Variants in ARFGEF1 observed in about 807,000 individuals in gnomAD.
ARFGEF1 encodes brefeldin A-inhibited guanine nucleotide-exchange protein 1.
ARFGEF1 carries 42 observed loss-of-function variants against 231.0 expected under a neutral mutation model. The observed-to-expected ratio is 0.18, with a 90% confidence interval of 0.14 to 0.24. ARFGEF1 has a LOEUF of 0.24. Among genes scored for constraint, ARFGEF1 ranks in the 10% least tolerant of loss-of-function variants. ARFGEF1 has a pLI of 1.00. For synonymous variants in ARFGEF1, 710 were observed against 732.3 expected (o/e 0.97, Z 0.49); for missense variants, 1,345 against 2,192.0 (o/e 0.61, Z 7.72).
intron 34 of ARFGEF1, among the ~76,000 whole-genome samples, chr8:67,210,479 C>A (rs988100372): frequency 1.3e-5 from 2 of 151,682 alleles, no homozygotes; most frequent in African/African-American, 2.4e-5. Context: ...TCAAAAAAAA[C>A]CAAAACCAAA....
intron 22 of ARFGEF1, among the ~76,000 whole-genome samples, chr8:67,237,663 A>G (rs978027155): frequency 1.3e-5 from 2 of 152,192 alleles, no homozygotes; most frequent in African/African-American, 4.8e-5. Flanking sequence ...AATCCTAACA[A>G]TCCTATGATT....
intron 29 of ARFGEF1, among the ~76,000 whole-genome samples, chr8:67,222,184 T>TATATATATATATATATATACACAC (rs1554636799): frequency 1.5e-5 from 1 of 65,682 alleles, no homozygotes; most frequent in Non-Finnish European, 3.4e-5. Context: ...TATATACACA[T>TATATATATATATATATATACACAC]ATATATATAT....
chr8:67,343,523 C>T lies in ARFGEF1; in HGVS notation c.-236G>A, dbSNP rs1808761020. 8.4e-7 allele frequency: 1 copy of T among 1,184,376 alleles called. No homozygotes were observed. The highest frequency in any genetic ancestry group is 4.3e-5 in the Admixed American group (1 of 23,026). 73.4% of individuals were successfully genotyped at this position (1,184,376 alleles called of 1,614,324 possible). A position where few individuals can be genotyped will look rare whatever the true frequency, so the allele number is the denominator to read the frequency against. On this transcript the variant is annotated 5_prime_UTR_variant, in exon 1 of 39. Coordinates refer to ENST00000262215, the MANE Select transcript of ARFGEF1 (RefSeq NM_006421.5). ...AAGAAGCCGTACCTCGAGGGCCGCGCCCGTCGGGCCTCCGCTTCTCCCGGC... is the reference window on the plus strand; with the variant it reads ...AAGAAGCCGTACCTCGAGGGCCGCGTCCGTCGGGCCTCCGCTTCTCCCGGC...
chr8:67,325,099 T>C (rs910077683), intron 1 of ARFGEF1, among the ~76,000 whole-genome samples: 2 of 152,000 alleles, frequency 1.3e-5, no homozygotes, highest in Admixed American at 6.6e-5. Flanking sequence ...TTTTAGTAGA[T>C]ACGGGGTTTC....
At chr8:67,231,433 A>G (rs556838042) in intron 23 of ARFGEF1, among the ~76,000 whole-genome samples, 87 of 152,254 alleles carry the variant, frequency 5.7e-4, no homozygotes, top group African/African-American at 1.9e-3. Context: ...GAAATAGCAT[A>G]AATTCTTAAA....
Position 67,218,135 on chromosome 8 carries a change from C to G in ARFGEF1, c.4342G>C (p.Ala1448Pro). Residue 1448 changes from alanine to proline, a missense_variant, in exon 31 of 39, where the codon GCT becomes CCT. By Grantham distance (27) the Ala-to-Pro change is conservative. Around this residue, in one of 14 missense-constraint regions of ARFGEF1, gnomAD observed 18 missense variants for 63.5 expected, o/e 0.28. Coordinates refer to ENST00000262215, the MANE Select transcript of ARFGEF1 (RefSeq NM_006421.5). ...TTGCAAGTTGTTGTCATCCATTCAG[C>G]TTTCTGGGGAAAAAAGTCATTAATG... Reference protein sequence around the residue: ...MKLPEQQTEKAEWMTTTCNHA... With the variant: ...MKLPEQQTEKPEWMTTTCNHA... 1 of 1,433,708 alleles carries G rather than the reference C, an allele frequency of 7.0e-7. No homozygotes were observed. The highest frequency in any genetic ancestry group is 9.2e-7 in the Non-Finnish European group (1 of 1,087,352). 88.8% of individuals were successfully genotyped at this position (1,433,708 alleles called of 1,614,324 possible).
chr8:67,226,007 C>T lies in ARFGEF1; in HGVS notation c.4077+16G>A, dbSNP rs370921224. 2.6e-6 allele frequency: 4 copies of T among 1,562,284 alleles called. No individual in the cohort carries two copies. The highest frequency in any genetic ancestry group is 3.5e-6 in the Non-Finnish European group (4 of 1,154,832). ...AGAATACTCTGCAAAATTTTGTTTACTAAATGACGCTATACCTGAGGTCTA... is the reference window on the plus strand; with the variant it reads ...AGAATACTCTGCAAAATTTTGTTTATTAAATGACGCTATACCTGAGGTCTA... On this transcript the variant is annotated intron_variant, in intron 28 of 38. Coordinates refer to ENST00000262215, the MANE Select transcript of ARFGEF1 (RefSeq NM_006421.5).
At chr8:67,205,962 T>G (rs1282177055) in intron 34 of ARFGEF1, among the ~76,000 whole-genome samples, 2 of 152,074 alleles carry the variant, frequency 1.3e-5, no homozygotes, top group Non-Finnish European at 2.9e-5. Context: ...CAGATCCATG[T>G]GAGACAGGAA....
downstream of ARFGEF1, among the ~76,000 whole-genome samples, chr8:67,193,827 A>C (rs527876715): frequency 1.2e-4 from 18 of 152,362 alleles, no homozygotes; most frequent in Admixed American, 5.2e-4. Context: ...GTGGAGTCTA[A>C]ACAGGTAAAA....
intron 5 of ARFGEF1, among the ~76,000 whole-genome samples, chr8:67,295,257 G>C (rs1248810629): frequency 9.2e-5 from 14 of 152,088 alleles, no homozygotes; most frequent in Non-Finnish European, 1.8e-4. Flanking sequence ...AGTGAGGGGA[G>C]GATCTGAAGA....
At chr8:67,184,744 T>TA (rs1554621539) in intron 5 of ARFGEF1, among the ~76,000 whole-genome samples, 32 of 142,498 alleles carry the variant, frequency 2.2e-4, no homozygotes, top group South Asian at 4.4e-4. Context: ...AATAAAAAAA[T>TA]ATAATAATAA....
At chr8:67,252,413 A>G (rs1030857978) in intron 18 of ARFGEF1, among the ~76,000 whole-genome samples, 2 of 151,844 alleles carry the variant, frequency 1.3e-5, no homozygotes, top group Non-Finnish European at 1.5e-5. Flanking sequence ...CGTTTTCGGC[A>G]CACCACCATC....
At chr8:67,248,194 C>A (rs1840164632) in intron 19 of ARFGEF1, among the ~76,000 whole-genome samples, 1 of 149,822 alleles carries the variant, frequency 6.7e-6, no homozygotes, top group Non-Finnish European at 1.5e-5. Context: ...CTATCCTGAG[C>A]AAAAAGTACA....
intron 1 of ARFGEF1, among the ~76,000 whole-genome samples, chr8:67,307,704 T>C (rs1806813505): frequency 6.6e-6 from 1 of 152,156 alleles, no homozygotes; most frequent in Non-Finnish European, 1.5e-5. Context: ...ATTTATGAAT[T>C]TGAAAACTGG....
At chr8:67,241,346 G>C (rs982504591) in intron 19 of ARFGEF1, among the ~76,000 whole-genome samples, 12 of 152,040 alleles carry the variant, frequency 7.9e-5, no homozygotes, top group Admixed American at 6.6e-4. Context: ...CATAAGTGCC[G>C]TACTTCTAAA....
rs980454758 is a variant in ARFGEF1, at chr8:67,245,361, CTT to C, written c.2851-5073_2851-5072del. Among the ~76,000 whole-genome samples, 71 of 150,558 alleles carry C rather than the reference CTT, an allele frequency of 4.7e-4. 4 individuals carry two copies. The highest frequency in any genetic ancestry group is 1.6e-3 in the African/African-American group (63 of 40,472). ...TGTAACTGTGGACATGTAAAATACTCTTAAGTAGAAAGACAGAAAGATGACTC... is the reference window on the plus strand; with the variant it reads ...TGTAACTGTGGACATGTAAAATACTCAAGTAGAAAGACAGAAAGATGACTC... On this transcript the variant is annotated intron_variant, in intron 19 of 38. Coordinates refer to ENST00000262215, the MANE Select transcript of ARFGEF1 (RefSeq NM_006421.5).
At chr8:67,302,367 C>T (rs534442221) in intron 2 of ARFGEF1, 69 bp downstream of exon 2, 6 of 1,251,580 alleles carry the variant, frequency 4.8e-6, no homozygotes, top group Middle Eastern at 2.7e-4. Context: ...ATACAGATGA[C>T]TATATTATTT....
At chr8:67,270,259 T>C (rs1210770286) in intron 10 of ARFGEF1, among the ~76,000 whole-genome samples, 1 of 152,188 alleles carries the variant, frequency 6.6e-6, no homozygotes, top group East Asian at 1.9e-4. Flanking sequence ...GCACCAAAAA[T>C]GGTTTCCTGT....
intron 1 of ARFGEF1, among the ~76,000 whole-genome samples, chr8:67,331,519 A>C (rs989700232): frequency 6.6e-6 from 1 of 152,218 alleles, no homozygotes; most frequent in African/African-American, 2.4e-5. Flanking sequence ...TTGAATTCCC[A>C]GTGAGAAATA....
Sources: allele counts gnomAD v4.1 joint callset (sites outside exome capture counted in the v4.1 genomes callset), GRCh38; gene constraint gnomAD v4.1.1; regional missense constraint gnomAD v4.1.1; transcripts MANE v1.5; gene names NCBI Gene and HGNC (gene_info 2026-07-23, HGNC 2026-07-21).